The following ZNF536 variants were observed in gnomAD, a reference collection of about 807,000 sequenced individuals.
ZNF536 encodes zinc finger protein 536.
In ZNF536, 13 loss-of-function variants were observed where a neutral mutation model predicts 84.5. The observed-to-expected ratio is 0.15, with a 90% CI of 0.10 to 0.24. The LOEUF is 0.24. Ranked by LOEUF, ZNF536 falls within the 10% of genes least tolerant of loss-of-function variation. The pLI, the probability that ZNF536 is intolerant of heterozygous loss-of-function variation, is 1.00. For missense variants in ZNF536, 1,536 were observed against 1,747.5 expected (o/e 0.88, Z 2.16); for synonymous variants, 811 against 742.5 (o/e 1.09, Z -1.50).
chr19:30,678,919 G>C (rs2050861459), intron 1 of ZNF536, among the ~76,000 whole-genome samples: 1 of 152,146 alleles, frequency 6.6e-6, no homozygotes, highest in African/African-American at 2.4e-5. Context: ...CTGGGTGACA[G>C]AGTGAGACTC....
intron 2 of ZNF536, among the ~76,000 whole-genome samples, chr19:30,480,528 T>A (rs1025279889): frequency 6.6e-6 from 1 of 151,766 alleles, no homozygotes; most frequent in African/African-American, 2.4e-5. Context: ...GAGGGGAACA[T>A]CACACACCGG....
intron 1 of ZNF536, among the ~76,000 whole-genome samples, chr19:30,254,414 T>C (rs371930544): frequency 2.2e-4 from 34 of 152,280 alleles, no homozygotes; most frequent in African/African-American, 7.9e-4. Context: ...TCAGATATAC[T>C]AAATTCCTAG....
At chr19:30,506,633 G>C (rs1247763253) in intron 2 of ZNF536, among the ~76,000 whole-genome samples, 1 of 152,206 alleles carries the variant, frequency 6.6e-6, no homozygotes, top group Non-Finnish European at 1.5e-5. Context: ...AGGTTGTGGG[G>C]GTGTGGGGTG....
chr19:30,229,703 T>A (rs1008055652), intron 1 of ZNF536, among the ~76,000 whole-genome samples: 1 of 152,174 alleles, frequency 6.6e-6, no homozygotes, highest in African/African-American at 2.4e-5. Context: ...GATAGCGGAG[T>A]GCAAATGTCT....
intron 1 of ZNF536, among the ~76,000 whole-genome samples, chr19:30,422,490 C>T (rs2051003304): frequency 6.6e-6 from 1 of 151,998 alleles, no homozygotes; most frequent in South Asian, 2.1e-4. Flanking sequence ...CTGAATTCTC[C>T]TGCCACCTCC....
intron 1 of ZNF536, among the ~76,000 whole-genome samples, chr19:30,589,753 C>T (rs981139757): frequency 6.6e-6 from 1 of 152,176 alleles, no homozygotes; most frequent in African/African-American, 2.4e-5. Context: ...GTTCATTCTT[C>T]AACTCTGTAT....
At chr19:30,316,376 G>C (rs1165160913) in intron 2 of ZNF536, among the ~76,000 whole-genome samples, 1 of 152,162 alleles carries the variant, frequency 6.6e-6, no homozygotes, top group Non-Finnish European at 1.5e-5. Context: ...AGTACAACTA[G>C]CTATCTTTTC....
chr19:30,235,122 G>A (rs1296480455), intron 1 of ZNF536, among the ~76,000 whole-genome samples: 2 of 152,170 alleles, frequency 1.3e-5, no homozygotes, highest in East Asian at 1.9e-4. Context: ...CCCATGCCAG[G>A]CACTACATTA....
At chr19:30,651,123 G>A (rs1192911943) in intron 1 of ZNF536, among the ~76,000 whole-genome samples, 1 of 152,218 alleles carries the variant, frequency 6.6e-6, no homozygotes, top group Non-Finnish European at 1.5e-5. Flanking sequence ...CCCGGGATAA[G>A]GTTGGGAGTT....
At chr19:30,328,896 C>T (rs561894011) in intron 2 of ZNF536, among the ~76,000 whole-genome samples, 4 of 152,330 alleles carry the variant, frequency 2.6e-5, no homozygotes, top group African/African-American at 7.2e-5. Flanking sequence ...ATTTTGTTCT[C>T]GATTTCTCTC....
rs373523919 is a variant in ZNF536, at chr19:30,440,180, C to T, written c.-2-3381C>T. Among the ~76,000 whole-genome samples, 66 of 151,906 alleles carry T rather than the reference C, an allele frequency of 4.3e-4. 1 individual carries two copies. In the South Asian group the frequency reaches 0.013, roughly 29 times the overall value. On this transcript the variant is annotated intron_variant, in intron 1 of 4. Transcript: ENST00000355537. ...TTCAACATGTTGTTCAGGCTGATCG[C>T]GAACTCCTGACTTCAAGTGATCCGC...
intron 1 of ZNF536, among the ~76,000 whole-genome samples, chr19:30,702,453 G>T (rs2052025648): frequency 6.6e-6 from 1 of 152,182 alleles, no homozygotes; most frequent in Non-Finnish European, 1.5e-5. Flanking sequence ...ATGAGGTGGG[G>T]CGGGCAGTTG....
At chr19:30,654,938 A>G (rs535252438) in intron 1 of ZNF536, among the ~76,000 whole-genome samples, 3 of 151,732 alleles carry the variant, frequency 2.0e-5, no homozygotes, top group African/African-American at 7.3e-5. Flanking sequence ...TTTATTTCTG[A>G]ATGCTGGTTA....
At chr19:30,382,385 G>A (rs2049055264) in intron 1 of ZNF536, among the ~76,000 whole-genome samples, 1 of 151,996 alleles carries the variant, frequency 6.6e-6, no homozygotes, top group Admixed American at 6.5e-5. Flanking sequence ...AAGACATTTG[G>A]GTGGAAAATC....
At chr19:30,664,512 C>T (rs1223988201) in intron 1 of ZNF536, among the ~76,000 whole-genome samples, 1 of 152,126 alleles carries the variant, frequency 6.6e-6, no homozygotes, top group Non-Finnish European at 1.5e-5. Context: ...AGGCTCCACT[C>T]CTGCTGTCTG....
intron 1 of ZNF536, among the ~76,000 whole-genome samples, chr19:30,231,886 C>T (rs1233364976): frequency 6.6e-6 from 1 of 151,932 alleles, no homozygotes; most frequent in Non-Finnish European, 1.5e-5. Flanking sequence ...GAGATGATTT[C>T]CTTTTCATCC....
intron 1 of ZNF536, among the ~76,000 whole-genome samples, chr19:30,610,107 AC>A (rs2048052094): frequency 6.6e-6 from 1 of 152,238 alleles, no homozygotes; most frequent in South Asian, 2.1e-4. Context: ...CTGTGGAAAG[AC>A]AAAAGCACAT....
At chr19:30,233,956 T>C (rs945288907) in intron 1 of ZNF536, among the ~76,000 whole-genome samples, 1 of 152,126 alleles carries the variant, frequency 6.6e-6, no homozygotes, top group Non-Finnish European at 1.5e-5. Context: ...GACACCAGGC[T>C]TGGGGGCTGG....
intron 1 of ZNF536, among the ~76,000 whole-genome samples, chr19:30,603,234 T>G (rs1046451849): frequency 6.6e-6 from 1 of 152,160 alleles, no homozygotes; most frequent in Non-Finnish European, 1.5e-5. Context: ...TCTGGCACAG[T>G]GCCTGAAACA....
Sources: allele counts gnomAD v4.1 joint callset (sites outside exome capture counted in the v4.1 genomes callset), GRCh38; gene constraint gnomAD v4.1.1; transcripts MANE v1.5; gene names NCBI Gene and HGNC (gene_info 2026-07-23, HGNC 2026-07-21).